The following ELOVL6 variants were observed in gnomAD, a reference collection of about 807,000 sequenced individuals.
ELOVL6 encodes the protein very long chain fatty acid elongase 6.
ELOVL6 carries 8 observed loss-of-function variants against 31.7 expected under a neutral mutation model. The ratio of observed to expected loss-of-function variants is 0.25; its 90% CI spans 0.15 to 0.45. The LOEUF is 0.45. Ranked by LOEUF, ELOVL6 falls within the 20% of genes least tolerant of loss-of-function variation. The pLI is 1.00. For synonymous variants in ELOVL6, 101 were observed against 117.7 expected (o/e 0.86, Z 0.92); for missense variants, 126 against 326.4 (o/e 0.39, Z 4.73).
chr4:110,070,878 CT>C (rs35205413), intron 2 of ELOVL6, among the ~76,000 whole-genome samples: 4,424 of 151,658 alleles, frequency 0.029, 282 homozygotes, highest in East Asian at 0.2. Flanking sequence ...AATTAAACCT[CT>C]TTTTTTTTAT....
intron 2 of ELOVL6, among the ~76,000 whole-genome samples, chr4:110,092,128 C>T (rs1756444673): frequency 6.6e-6 from 1 of 152,124 alleles, no homozygotes; most frequent in Non-Finnish European, 1.5e-5. Flanking sequence ...GAAATTAGTC[C>T]ATTTACTAGT....
chr4:110,061,764 G>T (rs1373506092), intron 2 of ELOVL6, among the ~76,000 whole-genome samples: 3 of 151,614 alleles, frequency 2.0e-5, no homozygotes, highest in Admixed American at 2.0e-4. Flanking sequence ...CACTATGTTG[G>T]CCAGGCCGGT....
intron 2 of ELOVL6, among the ~76,000 whole-genome samples, chr4:110,084,581 TATATA>T (rs1560815924): frequency 3.1e-4 from 15 of 47,936 alleles, no homozygotes; most frequent in East Asian, 1.9e-3. Context: ...TATATATATA[TATATA>T]TATTTTTTTT....
intron 1 of ELOVL6, among the ~76,000 whole-genome samples, chr4:110,119,829 TA>T: frequency 6.6e-6 from 1 of 152,330 alleles, no homozygotes; most frequent in East Asian, 1.9e-4. Flanking sequence ...AAGGGAACTT[TA>T]TTCTTACAAG....
intron 1 of ELOVL6, among the ~76,000 whole-genome samples, chr4:110,127,484 C>A (rs1313693320): frequency 1.3e-5 from 2 of 150,986 alleles, no homozygotes; most frequent in African/African-American, 4.9e-5. Context: ...TATGGGAGAG[C>A]CTAAGAAAAA....
intron 1 of ELOVL6, among the ~76,000 whole-genome samples, chr4:110,125,759 G>A (rs541173394): frequency 2.6e-5 from 4 of 151,966 alleles, no homozygotes; most frequent in Admixed American, 6.6e-5. Flanking sequence ...CCTGGGAGGT[G>A]GAGGTTGAAG....
intron 1 of ELOVL6, among the ~76,000 whole-genome samples, chr4:110,195,317 A>G (rs1388256634): frequency 1.3e-5 from 2 of 151,942 alleles, no homozygotes; most frequent in African/African-American, 4.8e-5. Context: ...ATGGGGTTTC[A>G]CCATATTGGC....
At chr4:110,139,323 G>A (rs1201515468) in intron 1 of ELOVL6, among the ~76,000 whole-genome samples, 1 of 152,002 alleles carries the variant, frequency 6.6e-6, no homozygotes, top group East Asian at 1.9e-4. Context: ...CATCCCCTTG[G>A]GGCTCCAGTC....
At position 110,051,841 on chromosome 4, in the gene ELOVL6, A is replaced by C. The variant is rs1279575375; in HGVS notation, c.374-79T>G. The C allele has an allele frequency of 4.9e-6, 6 of 1,234,296 alleles. No individual in the cohort carries two copies. The highest frequency in any genetic ancestry group is 5.7e-6 in the Non-Finnish European group (5 of 872,912). The allele number at this position is 1,234,296 out of a possible 1,614,324, so 76.5% of individuals were successfully genotyped here. A position where few individuals can be genotyped will look rare whatever the true frequency, so the allele number is the denominator to read the frequency against. ...GACTTACAGTTTTGTAAGAGGGTAG[A>C]CATCCTGAGCTAGGACTGGAGAGTT... On this transcript the variant is annotated intron_variant, in intron 3 of 3. Transcript: ENST00000302274. This position sits in a 1 kb window ranked among gnomAD's most constrained non-coding sequence, Gnocchi z 4.8.
chr4:110,083,962 TATATG>T (rs1458295594), intron 2 of ELOVL6, among the ~76,000 whole-genome samples: 12 of 104,044 alleles, frequency 1.2e-4, no homozygotes, highest in East Asian at 6.9e-4. Flanking sequence ...ATATATGATA[TATATG>T]ATATAACATA....
chr4:110,159,474 T>C (rs1194252379), intron 1 of ELOVL6, among the ~76,000 whole-genome samples: 1 of 152,172 alleles, frequency 6.6e-6, no homozygotes, highest in East Asian at 1.9e-4. Context: ...TTTTCTTTTT[T>C]TTTTAAAAGT....
intron 1 of ELOVL6, among the ~76,000 whole-genome samples, chr4:110,166,625 T>A (rs924496019): frequency 6.6e-6 from 1 of 151,934 alleles, no homozygotes; most frequent in African/African-American, 2.4e-5. Flanking sequence ...AAAGAAAAAA[T>A]TCTTGTGTTT....
intron 2 of ELOVL6, among the ~76,000 whole-genome samples, chr4:110,061,036 A>G (rs1488479642): frequency 6.6e-6 from 1 of 152,218 alleles, no homozygotes; most frequent in Non-Finnish European, 1.5e-5. Context: ...GGTCTTTGTA[A>G]GTAGCTTCTC....
At chr4:110,080,568 A>G (rs1183314820) in intron 2 of ELOVL6, among the ~76,000 whole-genome samples, 2 of 152,206 alleles carry the variant, frequency 1.3e-5, no homozygotes, top group African/African-American at 2.4e-5. Context: ...CTCTCAATAG[A>G]TTAGGTATTG....
rs2126216607 is a variant in ELOVL6, at chr4:110,045,856, A to T, written c.*5482T>A. On this transcript the variant is annotated 3_prime_UTR_variant, in exon 4 of 4. Transcript: ENST00000302274. The stretch of plus-strand genomic sequence containing the variant: ...AAAACAGAAACACAGTTTGATTTTA[A>T]ATCAAAAGTTATGATTTTATTTTTA... The T allele has an allele frequency of 6.6e-6, 1 of 152,360 alleles. No homozygotes were observed. The highest frequency in any genetic ancestry group is 1.9e-4 in the East Asian group (1 of 5,192). The allele number at this position is 152,360 out of a possible 1,614,324, so 9.4% of individuals were successfully genotyped here. A position where few individuals can be genotyped will look rare whatever the true frequency, so the allele number is the denominator to read the frequency against.
intron 1 of ELOVL6, among the ~76,000 whole-genome samples, chr4:110,160,372 C>G (rs1758598138): frequency 6.6e-6 from 1 of 152,166 alleles, no homozygotes; most frequent in African/African-American, 2.4e-5. Context: ...ACTGGCCCAC[C>G]CACCCCTGAC....
intron 2 of ELOVL6, among the ~76,000 whole-genome samples, chr4:110,061,023 T>C (rs1437483760): frequency 6.6e-6 from 1 of 152,234 alleles, no homozygotes; most frequent in Non-Finnish European, 1.5e-5. Flanking sequence ...GTCTATTAAG[T>C]TGGGTCTTTG....
At chr4:110,170,814 T>C (rs898222665) in intron 1 of ELOVL6, among the ~76,000 whole-genome samples, 5 of 152,308 alleles carry the variant, frequency 3.3e-5, no homozygotes, top group African/African-American at 4.8e-5. Flanking sequence ...TATACAGGTT[T>C]CATCCACAGC....
At chr4:110,190,380 A>G (rs961244540) in intron 1 of ELOVL6, among the ~76,000 whole-genome samples, 4 of 152,248 alleles carry the variant, frequency 2.6e-5, no homozygotes, top group African/African-American at 9.6e-5. Context: ...CAATGCAGAA[A>G]GGAATCATGA....
Sources: allele counts gnomAD v4.1 joint callset (sites outside exome capture counted in the v4.1 genomes callset), GRCh38; gene constraint gnomAD v4.1.1; non-coding constraint Gnocchi (gnomAD v3.1); transcripts MANE v1.5; gene names NCBI Gene and HGNC (gene_info 2026-07-23, HGNC 2026-07-21).